The following C10orf143 variants were observed in gnomAD, a reference collection of about 807,000 sequenced individuals.
The protein encoded by C10orf143 is chromosome 10 open reading frame 143.
intron 3 of C10orf143, among the ~76,000 whole-genome samples, chr10:130,051,313 A>C (rs376146806): frequency 1.5e-4 from 8 of 52,948 alleles, no homozygotes; most frequent in Non-Finnish European, 1.8e-4. Flanking sequence ...TCCCTCTCCT[A>C]CCCCCGCCTC....
At chr10:130,083,896 T>G (rs604752) in intron 1 of C10orf143, among the ~76,000 whole-genome samples, 91,395 of 151,886 alleles carry the variant, frequency 0.6, 28,201 homozygotes, top group Admixed American at 0.71. Context: ...GGGAAAAATG[T>G]AAGTAAACCA....
intron 1 of C10orf143, among the ~76,000 whole-genome samples, chr10:130,092,171 T>C (rs1229456520): frequency 1.3e-5 from 2 of 152,154 alleles, no homozygotes; most frequent in African/African-American, 2.4e-5. Flanking sequence ...GAGAGAAAGG[T>C]TGGGTTACCC....
At chr10:130,040,212 C>T (rs916849781) in intron 3 of C10orf143, among the ~76,000 whole-genome samples, 3 of 152,138 alleles carry the variant, frequency 2.0e-5, no homozygotes, top group East Asian at 3.9e-4. Flanking sequence ...GCCCCCAGTC[C>T]CTGCTGGGCT....
At chr10:130,095,779 T>C (rs968731859) in intron 1 of C10orf143, among the ~76,000 whole-genome samples, 9 of 152,172 alleles carry the variant, frequency 5.9e-5, no homozygotes, top group African/African-American at 2.2e-4. Flanking sequence ...TTACACCTTA[T>C]ACAAAAATTA....
intron 1 of C10orf143, among the ~76,000 whole-genome samples, chr10:130,083,826 G>A (rs891916923): frequency 2.6e-5 from 4 of 152,142 alleles, no homozygotes; most frequent in Non-Finnish European, 5.9e-5. Flanking sequence ...CAGAAATGAA[G>A]AGGGAGTGTA....
chr10:130,110,626 C>G (rs1361075657), intron 1 of C10orf143, 78 bp downstream of exon 1: 1 of 398,380 alleles, frequency 2.5e-6, no homozygotes, highest in East Asian at 3.6e-5. Context: ...GCCGCGCCGG[C>G]AAAAACGAGG....
chr10:130,097,448 T>C (rs771350519), intron 1 of C10orf143, among the ~76,000 whole-genome samples: 2 of 152,172 alleles, frequency 1.3e-5, no homozygotes, highest in African/African-American at 4.8e-5. Context: ...AGAATGACTA[T>C]ATATGAAGAT....
Position 130,065,023 on chromosome 10 carries a change from CAG to C in C10orf143, c.298-642_298-641del, listed in dbSNP as rs1564957401. On this transcript the variant is annotated intron_variant, in intron 3 of 3. Transcript: ENST00000637128. The surrounding 1 kb of genome is among the most constrained non-coding windows in gnomAD (Gnocchi z 4.2). ...GCAGCGTGGCACTCTGGCCCACAGGCAGAGACAGGCACAGCCTCCCTGTCCTG... is the reference window on the plus strand; with the variant it reads ...GCAGCGTGGCACTCTGGCCCACAGGCAGACAGGCACAGCCTCCCTGTCCTG... 2.0e-5 allele frequency: 3 copies of C among 152,324 alleles called. No individual in the cohort carries two copies. Among genetic ancestry groups the C allele is most frequent in the Non-Finnish European group, 4.4e-5 (3 of 68,108 alleles). 9.4% of individuals were successfully genotyped at this position (152,324 alleles called of 1,614,324 possible). A position where few individuals can be genotyped will look rare whatever the true frequency, so the allele number is the denominator to read the frequency against.
chr10:130,082,724 T>C (rs1447650462), intron 1 of C10orf143, among the ~76,000 whole-genome samples: 3 of 152,224 alleles, frequency 2.0e-5, no homozygotes, highest in Non-Finnish European at 4.4e-5. Context: ...TATGTCTTTA[T>C]CAGCAGCGTG....
At chr10:130,073,378 G>C (rs187144430) in intron 3 of C10orf143, among the ~76,000 whole-genome samples, 12 of 152,196 alleles carry the variant, frequency 7.9e-5, no homozygotes, top group Non-Finnish European at 1.5e-4. Flanking sequence ...CCCCTTTTAG[G>C]GTACAATCAG....
intron 1 of C10orf143, among the ~76,000 whole-genome samples, chr10:130,090,518 G>A (rs1271451617): frequency 6.6e-6 from 1 of 152,028 alleles, no homozygotes; most frequent in Non-Finnish European, 1.5e-5. Context: ...AACTGCAGGA[G>A]TTTTTTTTCA....
At chr10:130,084,065 C>T (rs1221720107) in intron 1 of C10orf143, among the ~76,000 whole-genome samples, 1 of 152,132 alleles carries the variant, frequency 6.6e-6, no homozygotes, top group Non-Finnish European at 1.5e-5. Context: ...AATCCCAGCA[C>T]TTTGGGAGGC....
chr10:130,091,772 A>G (rs527654423), intron 1 of C10orf143, among the ~76,000 whole-genome samples: 1 of 152,308 alleles, frequency 6.6e-6, no homozygotes, highest in Non-Finnish European at 1.5e-5. Flanking sequence ...TGAAGCATAC[A>G]CAAGTATCAA....
intron 3 of C10orf143, among the ~76,000 whole-genome samples, chr10:130,041,768 T>C (rs1439994972): frequency 1.3e-5 from 2 of 152,030 alleles, no homozygotes; most frequent in Non-Finnish European, 2.9e-5. Context: ...ACAAATTAAG[T>C]GAAAAAAACT....
chr10:130,100,190 C>A (rs1284689674), intron 1 of C10orf143, among the ~76,000 whole-genome samples: 1 of 152,020 alleles, frequency 6.6e-6, no homozygotes, highest in African/African-American at 2.4e-5. Context: ...CCTCTTTGGG[C>A]CAATCTGGAC....
Position 130,089,097 on chromosome 10 carries a change from G to A in C10orf143, c.70-9196C>T, listed in dbSNP as rs1304281861. ...TGATATGAGCAAGCCAACACTCAAA[G>A]TAAGAGGGCAACTGAATTCTAGGGG... On this transcript the variant is annotated intron_variant, in intron 1 of 3. Coordinates refer to ENST00000637128, the MANE Select transcript of C10orf143 (RefSeq NM_001355042.2). 2.0e-5 allele frequency among the ~76,000 whole-genome samples: 3 copies of A among 152,214 alleles called. No individual in the cohort carries two copies. In the South Asian group the frequency reaches 6.2e-4, roughly 32 times the overall value.
intron 1 of C10orf143, among the ~76,000 whole-genome samples, chr10:130,095,344 T>C (rs185921787): frequency 1.3e-5 from 2 of 152,184 alleles, no homozygotes; most frequent in South Asian, 2.1e-4. Context: ...GAATAATCAA[T>C]ATCGGGAAAA....
rs547827212 is a variant in C10orf143 at position 130,104,292 on chromosome 10, G to A, written c.69+6412C>T. 3.3e-5 allele frequency: 5 copies of A among 152,352 alleles called. No individual in the cohort carries two copies. In the East Asian group the frequency reaches 9.6e-4, roughly 29 times the overall value. The allele number at this position is 152,352 out of a possible 1,614,324, so 9.4% of individuals were successfully genotyped here. The stretch of plus-strand genomic sequence containing the variant: ...AACTATGACACATGTGACCACGCTA[G>A]CTAACTGGACTGCAAGGAAATGCAC... On this transcript the variant is annotated intron_variant, in intron 1 of 3. Coordinates refer to ENST00000637128, the MANE Select transcript of C10orf143 (RefSeq NM_001355042.2).
At chr10:130,055,486 T>C (rs1204385053) in intron 3 of C10orf143, among the ~76,000 whole-genome samples, 1 of 152,194 alleles carries the variant, frequency 6.6e-6, no homozygotes, top group Non-Finnish European at 1.5e-5. Flanking sequence ...CATGGGTCAT[T>C]TTCGATCATC....
Sources: gnomAD v4.1 joint callset for allele counts (sites outside exome capture counted in the v4.1 genomes callset) on GRCh38, gnomAD v4.1.1 for gene constraint, Gnocchi (gnomAD v3.1) non-coding constraint, MANE v1.5 for transcripts, NCBI Gene and HGNC (gene_info 2026-07-23, HGNC 2026-07-21) for gene names.